C12orf42: variants seen among roughly 807,000 people sequenced by gnomAD.
C12orf42 encodes the protein uncharacterized protein C12orf42.
Under a neutral mutation model 21.6 loss-of-function variants are expected in C12orf42, and 25 were observed. The observed-to-expected ratio is 1.16, with a 90% CI of 0.84 to 1.62. C12orf42 has a LOEUF of 1.62. C12orf42 is among the 40% of genes most tolerant of loss of function. The pLI is 0.00. For synonymous variants in C12orf42, 174 were observed against 175.0 expected (o/e 0.99, Z 0.05); for missense variants, 483 against 459.3 (o/e 1.05, Z -0.47).
chr12:103,428,462 G>C (rs992006864), intron 2 of C12orf42, among the ~76,000 whole-genome samples: 1 of 152,182 alleles, frequency 6.6e-6, no homozygotes, highest in Non-Finnish European at 1.5e-5. Flanking sequence ...TTCTGAAATT[G>C]AGGCAGTAAT....
At chr12:103,395,817 A>T (rs1458341984) in intron 3 of C12orf42, among the ~76,000 whole-genome samples, 1 of 151,350 alleles carries the variant, frequency 6.6e-6, no homozygotes, top group Non-Finnish European at 1.5e-5. Context: ...CATATACATT[A>T]TAACATAATA....
chr12:103,306,073 G>A lies in C12orf42; in HGVS notation c.532C>T (p.His178Tyr), dbSNP rs1419096354. Reference sequence around the variant, plus strand: ...TCCAGGTGAACAGGATTTACTGAGTGTGCCCAGTTAGGCTTTTTAACCAGT... The same window carrying A: ...TCCAGGTGAACAGGATTTACTGAGTATGCCCAGTTAGGCTTTTTAACCAGT... Reference protein sequence around the residue: ...EQLVKKPNWAHSVNPVHLEAQ... With the variant: ...EQLVKKPNWAYSVNPVHLEAQ... The change falls in exon 5 of 6, where the codon CAC (histidine) becomes TAC (tyrosine). Residue 178 changes from histidine (H) to tyrosine (Y), a missense_variant. By Grantham distance (83) the His-to-Tyr change is moderately conservative (BLOSUM62 2). Coordinates refer to ENST00000548883, the MANE Select transcript of C12orf42 (RefSeq NM_198521.5). The A allele has an allele frequency of 1.2e-6, 2 of 1,613,984 alleles. No individual in the cohort carries two copies. Among genetic ancestry groups the A allele is most frequent in the Non-Finnish European group, 1.7e-6 (2 of 1,179,860 alleles).
the C12orf42 span, among the ~76,000 whole-genome samples, chr12:103,193,255 A>G: frequency 1.3e-5 from 2 of 151,902 alleles, no homozygotes; most frequent in Non-Finnish European, 2.9e-5. Context: ...GAGAAAATTT[A>G]TAGTGATAAG....
the C12orf42 span, among the ~76,000 whole-genome samples, chr12:103,125,051 G>GC: frequency 1.3e-5 from 2 of 152,138 alleles, no homozygotes; most frequent in Non-Finnish European, 2.9e-5. Context: ...TCATCTATGA[G>GC]CTGTCATTTG....
At chr12:103,239,669 A>G (rs2033637631) in intron 10 of C12orf42, among the ~76,000 whole-genome samples, 1 of 152,150 alleles carries the variant, frequency 6.6e-6, no homozygotes, top group Admixed American at 6.6e-5. Context: ...TCAGGTATCC[A>G]TCTTTGGTTC....
At chr12:103,216,027 A>G in the C12orf42 span, among the ~76,000 whole-genome samples, 1 of 152,192 alleles carries the variant, frequency 6.6e-6, no homozygotes, top group Non-Finnish European at 1.5e-5. Context: ...ATGTTGACCT[A>G]ATTTCTCGAA....
At chr12:103,391,429 T>C (rs1434145417) in intron 3 of C12orf42, among the ~76,000 whole-genome samples, 1 of 152,128 alleles carries the variant, frequency 6.6e-6, no homozygotes, top group Non-Finnish European at 1.5e-5. Context: ...TGCCAAAACA[T>C]ATCATTTTTC....
intron 4 of C12orf42, among the ~76,000 whole-genome samples, chr12:103,322,571 C>G (rs1269284042): frequency 6.6e-6 from 1 of 152,132 alleles, no homozygotes; most frequent in African/African-American, 2.4e-5. Flanking sequence ...AACCTCACCC[C>G]AAATTCCATG....
the C12orf42 span, among the ~76,000 whole-genome samples, chr12:103,196,038 T>C: frequency 6.6e-5 from 10 of 152,222 alleles, no homozygotes; most frequent in Admixed American, 1.3e-4. Context: ...CATCATTTAT[T>C]GTATAAGGAG....
chr12:103,068,949 A>C, the C12orf42 span, among the ~76,000 whole-genome samples: 7 of 65,156 alleles, frequency 1.1e-4, 1 homozygote, highest in Non-Finnish European at 1.2e-4. Flanking sequence ...ATATATATAT[A>C]TATATATATA....
chr12:103,388,442 T>C (rs2046805221), intron 3 of C12orf42, among the ~76,000 whole-genome samples: 1 of 151,886 alleles, frequency 6.6e-6, no homozygotes, highest in Non-Finnish European at 1.5e-5. Flanking sequence ...TGGGGAAACT[T>C]GGGTGCTTGT....
At chr12:103,230,184 G>T in the C12orf42 span, among the ~76,000 whole-genome samples, 4 of 151,342 alleles carry the variant, frequency 2.6e-5, no homozygotes, top group East Asian at 5.8e-4. Flanking sequence ...AGCTTAGCTG[G>T]GTTCTCTGCT....
the C12orf42 span, among the ~76,000 whole-genome samples, chr12:103,174,404 C>A: frequency 6.6e-6 from 1 of 152,112 alleles, no homozygotes; most frequent in African/African-American, 2.4e-5. Flanking sequence ...AAGCACTGGT[C>A]TAAGTATTTT....
At chr12:103,292,707 CTAATAA>C (rs1226477643) in intron 4 of C12orf42, among the ~76,000 whole-genome samples, 1 of 151,926 alleles carries the variant, frequency 6.6e-6, no homozygotes, top group Non-Finnish European at 1.5e-5. Context: ...GGTATACTGA[CTAATAA>C]TAAGACTGAA....
chr12:103,320,300 T>C (rs2039963525), intron 4 of C12orf42, among the ~76,000 whole-genome samples: 1 of 152,238 alleles, frequency 6.6e-6, no homozygotes, highest in Non-Finnish European at 1.5e-5. Flanking sequence ...CTTAATAACA[T>C]GTAATCATTA....
the C12orf42 span, among the ~76,000 whole-genome samples, chr12:103,516,699 C>T: frequency 2.0e-4 from 31 of 152,308 alleles, no homozygotes; most frequent in Non-Finnish European, 3.5e-4. Context: ...CCAGGTCCCT[C>T]CCTTAACACA....
At chr12:103,531,141 A>T in the C12orf42 span, among the ~76,000 whole-genome samples, 1 of 152,228 alleles carries the variant, frequency 6.6e-6, no homozygotes, top group Admixed American at 6.5e-5. Context: ...AAGGATCTGT[A>T]ACCCAGTCCT....
At chr12:103,402,686 A>G (rs979492418) in intron 2 of C12orf42, among the ~76,000 whole-genome samples, 4 of 152,256 alleles carry the variant, frequency 2.6e-5, no homozygotes, top group African/African-American at 9.6e-5. Flanking sequence ...AGGTACAGAC[A>G]TAGGTGGAGT....
intron 2 of C12orf42, among the ~76,000 whole-genome samples, chr12:103,477,261 C>T (rs760379943): frequency 1.3e-5 from 2 of 151,710 alleles, no homozygotes; most frequent in Non-Finnish European, 2.9e-5. Context: ...ATGGCAGGAC[C>T]TCTGGGCAGA....
Sources: allele counts gnomAD v4.1 joint callset (sites outside exome capture counted in the v4.1 genomes callset), GRCh38; gene constraint gnomAD v4.1.1; transcripts MANE v1.5; gene names NCBI Gene and HGNC (gene_info 2026-07-23, HGNC 2026-07-21).